The following CTNNA3 variants were observed in gnomAD, a reference collection of about 807,000 sequenced individuals.
The protein encoded by CTNNA3 is catenin alpha-3.
A neutral mutation model predicts 95.7 loss-of-function variants in CTNNA3; 76 were observed. The ratio of observed to expected loss-of-function variants is 0.79; its 90% CI spans 0.66 to 0.96. The LOEUF (loss-of-function observed/expected upper bound fraction) is 0.96. Ranked by LOEUF, CTNNA3 falls within the 40% of genes least tolerant of loss-of-function variation. The probability of loss-of-function intolerance (pLI) is 0.00; values close to 1 mark genes in which losing one functional copy is unlikely to be tolerated. For missense variants in CTNNA3, 1,191 were observed against 1,089.8 expected, an observed-to-expected ratio of 1.09 and a Z score of -1.31; for synonymous variants, 431 against 374.4, an observed-to-expected ratio of 1.15 and a Z score of -1.74.
chr10:67,093,452 G>T (rs1376492962), intron 7 of CTNNA3, among the ~76,000 whole-genome samples: 1 of 151,662 alleles, frequency 6.6e-6, no homozygotes, highest in Non-Finnish European at 1.5e-5. Context: ...AATAGAGAGA[G>T]GTTACTGTGA....
intron 13 of CTNNA3, among the ~76,000 whole-genome samples, chr10:66,187,627 A>G (rs754534277): frequency 2.0e-5 from 3 of 151,960 alleles, no homozygotes; most frequent in Non-Finnish European, 4.4e-5. Flanking sequence ...TATTGGTTCC[A>G]GCCTGTAAGA....
intron 6 of CTNNA3, among the ~76,000 whole-genome samples, chr10:67,189,571 C>T (rs1054255936): frequency 7.7e-6 from 1 of 129,826 alleles, no homozygotes; most frequent in Non-Finnish European, 1.7e-5. Context: ...TCATGTTATA[C>T]ACCACAAATA....
At chr10:66,914,485 C>T (rs892863279) in intron 7 of CTNNA3, among the ~76,000 whole-genome samples, 3 of 149,478 alleles carry the variant, frequency 2.0e-5, no homozygotes, top group Non-Finnish European at 2.9e-5. Context: ...TGGGCCAACA[C>T]GAACTGGCTA....
At chr10:67,624,804 A>G (rs1006279675) in intron 2 of CTNNA3, among the ~76,000 whole-genome samples, 5 of 152,218 alleles carry the variant, frequency 3.3e-5, no homozygotes, top group Admixed American at 6.5e-5. Flanking sequence ...AGCAGACGAG[A>G]AAAATCAGTT....
intron 9 of CTNNA3, among the ~76,000 whole-genome samples, chr10:66,722,032 G>C (rs961409116): frequency 6.6e-6 from 1 of 152,166 alleles, no homozygotes; most frequent in Non-Finnish European, 1.5e-5. Context: ...ATAGCACTTA[G>C]AGGGTATTAT....
Position 65,915,565 on chromosome 10 carries a change from C to T in CTNNA3, c.*4765G>A, listed in dbSNP as rs2076996711. ...AATCCATGTGTTTTGTTCCCACAAA[C>T]CAGTGGGGACTGCTAGATGCCATAA... On this transcript the variant is annotated 3_prime_UTR_variant, in exon 18 of 18. Coordinates refer to ENST00000433211, the MANE Select transcript of CTNNA3 (RefSeq NM_013266.4). The T allele has an allele frequency of 6.6e-6, 1 of 152,130 alleles. No homozygotes were observed. Among genetic ancestry groups the T allele is most frequent in the South Asian group, 2.1e-4 (1 of 4,832 alleles). The allele number at this position is 152,130 out of a possible 1,614,324, so 9.4% of individuals were successfully genotyped here. A position where few individuals can be genotyped will look rare whatever the true frequency, so the allele number is the denominator to read the frequency against.
chr10:67,129,330 A>G (rs1252376617), intron 7 of CTNNA3, among the ~76,000 whole-genome samples: 4 of 152,172 alleles, frequency 2.6e-5, no homozygotes, highest in African/African-American at 9.6e-5. Context: ...TTTGCTTGCT[A>G]AATTTACTTA....
chr10:66,615,260 G>C (rs1844469552), intron 10 of CTNNA3, among the ~76,000 whole-genome samples: 1 of 151,994 alleles, frequency 6.6e-6, no homozygotes, highest in Admixed American at 6.6e-5. Flanking sequence ...ATGTGCTAGT[G>C]TCATAACAAG....
At chr10:66,488,746 G>A (rs1589321989) in intron 11 of CTNNA3, among the ~76,000 whole-genome samples, 1 of 152,002 alleles carries the variant, frequency 6.6e-6, no homozygotes, top group Admixed American at 6.6e-5. Flanking sequence ...TGGCACATGG[G>A]AAGAGGTCAT....
At chr10:66,454,765 T>C (rs983849042) in intron 11 of CTNNA3, among the ~76,000 whole-genome samples, 88 of 117,168 alleles carry the variant, frequency 7.5e-4, no homozygotes, top group African/African-American at 2.8e-3. Context: ...AAAGATAGTA[T>C]AAAAATGAAG....
chr10:66,128,390 C>G (rs1234941493), intron 13 of CTNNA3, among the ~76,000 whole-genome samples: 1 of 151,822 alleles, frequency 6.6e-6, no homozygotes, highest in Non-Finnish European at 1.5e-5. Flanking sequence ...TGGAAGGAAC[C>G]AAGATCTCCT....
intron 2 of CTNNA3, among the ~76,000 whole-genome samples, chr10:67,621,748 CAAA>C (rs3059973): frequency 2.6e-5 from 3 of 113,522 alleles, no homozygotes; most frequent in African/African-American, 3.9e-5. Flanking sequence ...GACATCATCT[CAAA>C]AAAAAAAAAA....
At chr10:66,621,215 G>A (rs1429980025) in intron 10 of CTNNA3, among the ~76,000 whole-genome samples, 3 of 152,164 alleles carry the variant, frequency 2.0e-5, no homozygotes, top group African/African-American at 7.2e-5. Flanking sequence ...CAAATCATTT[G>A]GACAAAGCAC....
chr10:66,587,051 C>T (rs923163799), intron 10 of CTNNA3, among the ~76,000 whole-genome samples: 3 of 152,226 alleles, frequency 2.0e-5, no homozygotes, highest in South Asian at 2.1e-4. Context: ...TTTCCCAGCA[C>T]CAGGTGCCAG....
At chr10:66,011,191 C>G (rs528534119) in intron 15 of CTNNA3, among the ~76,000 whole-genome samples, 3 of 152,304 alleles carry the variant, frequency 2.0e-5, no homozygotes, top group Admixed American at 6.5e-5. Flanking sequence ...AATTCCCCTC[C>G]AATGCAATTA....
intron 7 of CTNNA3, among the ~76,000 whole-genome samples, chr10:66,905,383 T>A (rs1229270186): frequency 6.6e-6 from 1 of 151,946 alleles, no homozygotes; most frequent in Non-Finnish European, 1.5e-5. Context: ...GTTGGAGGAC[T>A]GGGGAAGGGA....
chr10:66,231,910 A>G (rs529677485), intron 13 of CTNNA3, among the ~76,000 whole-genome samples: 1 of 152,280 alleles, frequency 6.6e-6, no homozygotes, highest in East Asian at 1.9e-4. Flanking sequence ...ACAAGATCAA[A>G]TTAGTATTAC....
intron 9 of CTNNA3, among the ~76,000 whole-genome samples, chr10:66,686,481 C>A (rs1847301905): frequency 6.6e-6 from 1 of 152,038 alleles, no homozygotes; most frequent in Non-Finnish European, 1.5e-5. Flanking sequence ...TATATTTTTT[C>A]CCATTTTCAA....
At chr10:67,127,368 C>T (rs1295385698) in intron 7 of CTNNA3, among the ~76,000 whole-genome samples, 6 of 152,256 alleles carry the variant, frequency 3.9e-5, no homozygotes, top group East Asian at 1.9e-4. Context: ...GTTTGTGCTT[C>T]ATAGGAGAAA....
Sources: allele counts gnomAD v4.1 joint callset (sites outside exome capture counted in the v4.1 genomes callset), GRCh38; gene constraint gnomAD v4.1.1; transcripts MANE v1.5; gene names NCBI Gene and HGNC (gene_info 2026-07-23, HGNC 2026-07-21).